Variants in COBL observed in about 807,000 individuals in gnomAD.
The protein encoded by COBL is protein cordon-bleu.
A neutral mutation model predicts 98.8 loss-of-function variants in COBL; 51 were observed. The observed-to-expected ratio is 0.52, with a 90% confidence interval of 0.41 to 0.65. The LOEUF (loss-of-function observed/expected upper bound fraction) is 0.65, where lower values mean the gene tolerates loss of function less well. Ranked by LOEUF, COBL falls within the 30% of genes least tolerant of loss-of-function variation. COBL has a pLI of 0.00. For missense variants in COBL, 1,617 were observed against 1,617.5 expected, an observed-to-expected ratio of 1.00 and a Z score of 0.01; for synonymous variants, 634 against 651.7, an observed-to-expected ratio of 0.97 and a Z score of 0.41.
intron 1 of COBL, among the ~76,000 whole-genome samples, chr7:51,286,654 T>C (rs1800397331): frequency 6.6e-6 from 1 of 152,186 alleles, no homozygotes; most frequent in African/African-American, 2.4e-5. Flanking sequence ...ACATACACTG[T>C]TGATGGGAAT....
intron 7 of COBL, chr7:51,083,176 T>A: frequency 6.7e-7 from 1 of 1,497,326 alleles, no homozygotes; most frequent in Non-Finnish European, 8.8e-7. Context: ...CTAACTGGGG[T>A]GGACCCCGAG....
Position 51,170,872 on chromosome 7 carries a change from A to C in COBL, c.783+13230T>G, listed in dbSNP as rs10228829. ...AGTTGTGTGACTACAGTTAATAATA[A>C]TGTATTACACATTTCAAAACAGCTA... On this transcript the variant is annotated intron_variant, in intron 5 of 12. Transcript: ENST00000265136. Among the ~76,000 whole-genome samples the C allele has an allele frequency of 9.6e-3, 1,466 of 152,190 alleles. 21 individuals are homozygous for C. Among genetic ancestry groups the C allele is most frequent in the African/African-American group, 0.033 (1,385 of 41,538 alleles).
At chr7:51,256,774 G>A (rs984853307) in intron 1 of COBL, among the ~76,000 whole-genome samples, 1 of 152,196 alleles carries the variant, frequency 6.6e-6, no homozygotes, top group Admixed American at 6.5e-5. Flanking sequence ...GTGCTCTAAT[G>A]AGAAGTTTTA....
intron 5 of COBL, among the ~76,000 whole-genome samples, chr7:51,180,833 AG>A (rs1244983986): frequency 2.0e-4 from 30 of 152,210 alleles, no homozygotes; most frequent in Non-Finnish European, 4.1e-4. Flanking sequence ...AATGGAATTC[AG>A]GTTTGTTTGA....
At chr7:51,282,473 G>A (rs1444522132) in intron 1 of COBL, among the ~76,000 whole-genome samples, 1 of 151,880 alleles carries the variant, frequency 6.6e-6, no homozygotes, top group African/African-American at 2.4e-5. Context: ...AATTACCAGG[G>A]ATAAAGAGAG....
At chr7:51,148,415 T>A (rs936938744) in intron 5 of COBL, among the ~76,000 whole-genome samples, 5 of 152,196 alleles carry the variant, frequency 3.3e-5, no homozygotes, top group Non-Finnish European at 4.4e-5. Context: ...TGCTATTCAA[T>A]GTCTCCCTCT....
At chr7:51,266,756 C>A (rs1166250699) in intron 1 of COBL, among the ~76,000 whole-genome samples, 1 of 152,140 alleles carries the variant, frequency 6.6e-6, no homozygotes. Context: ...CACCCACACA[C>A]AGTTTTTTTC....
At chr7:51,119,653 C>G (rs1226243482) in intron 6 of COBL, among the ~76,000 whole-genome samples, 1 of 152,148 alleles carries the variant, frequency 6.6e-6, no homozygotes, top group African/African-American at 2.4e-5. Flanking sequence ...TTATAGTAAG[C>G]CTGTGTGGTC....
In COBL at chr7:51,301,501, G is replaced by A. The variant is rs184406548; in HGVS notation, c.41+15092C>T. On this transcript the variant is annotated intron_variant, in intron 1 of 12. Transcript: ENST00000265136. ...GCAAGGCCAAGCCCTTGTCTCTCAG[G>A]CCTGGGCCGTGTCCTACCAGCCGTC... Among the ~76,000 whole-genome samples, 188 of 152,280 alleles carry A rather than the reference G, an allele frequency of 1.2e-3. 1 individual carries two copies. Among genetic ancestry groups the A allele is most frequent in the African/African-American group, 4.4e-3 (181 of 41,558 alleles).
At chr7:51,053,052 C>T (rs1434476252) in intron 7 of COBL, among the ~76,000 whole-genome samples, 1 of 152,180 alleles carries the variant, frequency 6.6e-6, no homozygotes, top group Non-Finnish European at 1.5e-5. Context: ...CCTTCTCCCT[C>T]TCCCTTCCCA....
At chr7:51,025,579 C>T (rs1169333774) in intron 11 of COBL, among the ~76,000 whole-genome samples, 1 of 152,168 alleles carries the variant, frequency 6.6e-6, no homozygotes, top group Non-Finnish European at 1.5e-5. Context: ...TATGAGGATG[C>T]AGAGAGAAGG....
chr7:51,163,342 G>C (rs1156514673), intron 5 of COBL, among the ~76,000 whole-genome samples: 1 of 152,190 alleles, frequency 6.6e-6, no homozygotes, highest in African/African-American at 2.4e-5. Flanking sequence ...CAATAAATCT[G>C]ATCAACCAAT....
intron 1 of COBL, among the ~76,000 whole-genome samples, chr7:51,296,894 C>T (rs1357596148): frequency 6.6e-6 from 1 of 152,188 alleles, no homozygotes. Context: ...ATAGAACTCC[C>T]AGGCTGGCCA....
At chr7:51,123,301 CA>C (rs1438100519) in intron 6 of COBL, among the ~76,000 whole-genome samples, 1 of 152,186 alleles carries the variant, frequency 6.6e-6, no homozygotes, top group Non-Finnish European at 1.5e-5. Flanking sequence ...ACATGGGTTC[CA>C]GACTTCTTGA....
chr7:51,070,028 G>A (rs188542652), intron 7 of COBL, among the ~76,000 whole-genome samples: 31 of 152,072 alleles, frequency 2.0e-4, no homozygotes, highest in Non-Finnish European at 3.7e-4. Context: ...CTTCGTTCAC[G>A]TAATAAAAGT....
intron 7 of COBL, chr7:51,082,933 A>T (rs1325841730): frequency 1.2e-6 from 1 of 849,278 alleles, no homozygotes; most frequent in Non-Finnish European, 1.9e-6. Context: ...GGGAAACAAG[A>T]GCTGAGAAGG....
chr7:51,098,571 T>C (rs972638181), intron 6 of COBL, among the ~76,000 whole-genome samples: 6 of 152,116 alleles, frequency 3.9e-5, no homozygotes, highest in Non-Finnish European at 8.8e-5. Flanking sequence ...TACAAAAGAA[T>C]GAAATTGGGC....
At chr7:51,181,626 C>T (rs564240644) in intron 5 of COBL, among the ~76,000 whole-genome samples, 2 of 152,230 alleles carry the variant, frequency 1.3e-5, no homozygotes, top group Non-Finnish European at 2.9e-5. Flanking sequence ...TCCCAGGCTA[C>T]AGTCCTCAAC....
chr7:51,188,439 G>A (rs983581521), intron 4 of COBL, among the ~76,000 whole-genome samples: 3 of 152,352 alleles, frequency 2.0e-5, no homozygotes, highest in South Asian at 2.1e-4. Context: ...TTTTCTTTTC[G>A]AATATTTGAC....
Sources: gnomAD v4.1 joint callset for allele counts (sites outside exome capture counted in the v4.1 genomes callset) on GRCh38, gnomAD v4.1.1 for gene constraint, MANE v1.5 for transcripts, NCBI Gene and HGNC (gene_info 2026-07-23, HGNC 2026-07-21) for gene names.